Variants in KLHL23 observed in about 807,000 individuals in gnomAD.
KLHL23 encodes kelch-like protein 23.
In KLHL23, 33 loss-of-function variants were observed where a neutral mutation model predicts 48.9. The observed-to-expected ratio is 0.67, with a 90% CI of 0.51 to 0.90. KLHL23 has a LOEUF of 0.90. Among genes scored for constraint, KLHL23 ranks in the 40% least tolerant of loss-of-function variants. The probability of loss-of-function intolerance (pLI) is 0.00; values close to 1 mark genes in which losing one functional copy is unlikely to be tolerated. For missense variants in KLHL23, 608 were observed against 669.6 expected, an observed-to-expected ratio of 0.91 and a Z score of 1.02; for synonymous variants, 234 against 231.6, an observed-to-expected ratio of 1.01 and a Z score of -0.09.
chr2:169,749,913 T>TTATATATATATATATA lies in KLHL23; in HGVS notation c.*184_*199dup, dbSNP rs72113382. Reference sequence around the variant, plus strand: ...TGGTGATTCATGGTCAAGAAAAATCTTATATATATATATATATACACACAC... The same window carrying TTATATATATATATATA: ...TGGTGATTCATGGTCAAGAAAAATCTTATATATATATATATATATATATATATATATATACACACAC... On this transcript the variant is annotated 3_prime_UTR_variant, in exon 4 of 4. Coordinates refer to ENST00000392647, the MANE Select transcript of KLHL23 (RefSeq NM_144711.6). The TTATATATATATATATA allele has an allele frequency of 1.6e-3, 355 of 218,780 alleles. No homozygotes were observed. Among genetic ancestry groups the TTATATATATATATATA allele is most frequent in the African/African-American group, 8.8e-3 (201 of 22,786 alleles). The allele number at this position is 218,780 out of a possible 1,614,324, so 13.6% of individuals were successfully genotyped here.
At chr2:169,743,412 A>G (rs943638840) in intron 3 of KLHL23, among the ~76,000 whole-genome samples, 5 of 152,232 alleles carry the variant, frequency 3.3e-5, no homozygotes, top group African/African-American at 7.2e-5. Flanking sequence ...ATATAAATCA[A>G]TGGTAACATA....
intron 2 of KLHL23, among the ~76,000 whole-genome samples, chr2:169,739,694 A>T (rs185519882): frequency 6.6e-6 from 1 of 152,042 alleles, no homozygotes; most frequent in Non-Finnish European, 1.5e-5. Flanking sequence ...CTTCCATTTT[A>T]TATCTAGTGT....
Position 169,735,549 on chromosome 2 carries a change from A to G in KLHL23, c.535A>G (p.Ser179Gly), listed in dbSNP as rs781456672. ...VWQQEEFLEI[S>G]LEKFLFILSR... ...GCAACAAGAAGAATTTCTGGAAATC[A>G]GCCTTGAAAAGTTTCTCTTTATCTT... Residue 179 changes from serine (S) to glycine (G), a missense_variant, in exon 2 of 4, where the codon AGC becomes GGC. Ser to Gly is a moderately conservative substitution (Grantham distance 56). Transcript: ENST00000392647. This position sits in a 1 kb window ranked among gnomAD's most constrained non-coding sequence, Gnocchi z 4.5. 4.3e-6 allele frequency: 7 copies of G among 1,613,672 alleles called. No homozygotes were observed. Among genetic ancestry groups the G allele is most frequent in the Non-Finnish European group, 5.9e-6 (7 of 1,179,976 alleles).
intron 3 of KLHL23, among the ~76,000 whole-genome samples, chr2:169,742,419 A>G (rs1688697744): frequency 6.6e-6 from 1 of 152,234 alleles, no homozygotes; most frequent in Admixed American, 6.5e-5. Context: ...ACCATTTTAC[A>G]TATTTGGAAA....
At chr2:169,742,789 C>G (rs1688706524) in intron 3 of KLHL23, among the ~76,000 whole-genome samples, 1 of 152,198 alleles carries the variant, frequency 6.6e-6, no homozygotes. Context: ...CCATCCCAGA[C>G]TCCCCACCAC....
chr2:169,739,263 G>A (rs77479421), intron 2 of KLHL23, among the ~76,000 whole-genome samples: 4,891 of 151,548 alleles, frequency 0.032, 103 homozygotes, highest in East Asian at 0.1. Context: ...CCTCGAGACC[G>A]CCCACCCTGG....
rs1558952641 is a variant in KLHL23, at chr2:169,750,096, G to GTATATATACGTATGTA, written c.*365_*366insATATATACGTATGTAT. On this transcript the variant is annotated 3_prime_UTR_variant, in exon 4 of 4. Coordinates refer to ENST00000392647, the MANE Select transcript of KLHL23 (RefSeq NM_144711.6). ...TATACGTATGTATGTATACATATAT[G>GTATATATACGTATGTA]TGTATACATATATATGTGTGTATAT... is the stretch of plus-strand genomic sequence containing the variant. 2 of 103,718 alleles carry GTATATATACGTATGTA rather than the reference G, an allele frequency of 1.9e-5. No homozygotes were observed. The highest frequency in any genetic ancestry group is 3.4e-5 in the African/African-American group (1 of 29,012). The allele number at this position is 103,718 out of a possible 1,614,324, so 6.4% of individuals were successfully genotyped here.
intron 2 of KLHL23, among the ~76,000 whole-genome samples, chr2:169,738,161 C>T (rs1047000426): frequency 6.6e-6 from 1 of 152,330 alleles, no homozygotes; most frequent in Non-Finnish European, 1.5e-5. Flanking sequence ...TATATCTAGT[C>T]ATCCCAGGGA....
At chr2:169,749,332 T>G in intron 3 of KLHL23, 90 bp from the exon 4 acceptor site, 1 of 1,354,158 alleles carries the variant, frequency 7.4e-7, no homozygotes, top group Non-Finnish European at 9.8e-7. Context: ...TGTGCTAAAT[T>G]TTAAAGGATT....
At chr2:169,748,105 C>T (rs1012400753) in intron 3 of KLHL23, among the ~76,000 whole-genome samples, 2 of 152,156 alleles carry the variant, frequency 1.3e-5, no homozygotes, top group African/African-American at 4.8e-5. Context: ...ACCTGGGTGA[C>T]AGAGCAAGAC....
intron 3 of KLHL23, among the ~76,000 whole-genome samples, chr2:169,743,325 CAG>C (rs1688719794): frequency 6.6e-6 from 1 of 152,250 alleles, no homozygotes; most frequent in African/African-American, 2.4e-5. Context: ...GTCTGAGAGA[CAG>C]TGTCACTTTG....
chr2:169,750,950 A>G lies in KLHL23; in HGVS notation c.*1218A>G, dbSNP rs1446071180. 1 of 152,252 alleles carries G rather than the reference A, an allele frequency of 6.6e-6. No homozygotes were observed. The highest frequency in any genetic ancestry group is 2.4e-5 in the African/African-American group (1 of 41,470). The allele number at this position is 152,252 out of a possible 1,614,324, so 9.4% of individuals were successfully genotyped here. ...GTGATTAGTAGAAAATACACTGACA[A>G]GAAGATATTTGCATTTATTTCCCAA... On this transcript the variant is annotated 3_prime_UTR_variant, in exon 4 of 4. Transcript: ENST00000392647.
intron 3 of KLHL23, among the ~76,000 whole-genome samples, chr2:169,744,927 T>C (rs1688760160): frequency 6.9e-6 from 1 of 144,186 alleles, no homozygotes. Flanking sequence ...TGATCAGCTC[T>C]AGGTTTTTGT....
At position 169,744,476 on chromosome 2, in the gene KLHL23, G is replaced by C. The variant is rs532944275; in HGVS notation, c.1366+2939G>C. 7.2e-5 allele frequency among the ~76,000 whole-genome samples: 11 copies of C among 152,266 alleles called. No individual in the cohort carries two copies. In the South Asian group the frequency reaches 1.5e-3, roughly 20 times the overall value. On this transcript the variant is annotated intron_variant, in intron 3 of 3. Coordinates refer to ENST00000392647, the MANE Select transcript of KLHL23 (RefSeq NM_144711.6). ...ACCTGGGAGCAGACATGAATGAATG[G>C]AATGTAAGAGGGTAGAATGGGAGAT...
chr2:169,738,239 CT>C (rs1490938558), intron 2 of KLHL23, among the ~76,000 whole-genome samples: 5 of 151,984 alleles, frequency 3.3e-5, no homozygotes, highest in South Asian at 2.1e-4. Flanking sequence ...TCATACAGAA[CT>C]TTTTTTAAAC....
At chr2:169,740,055 G>A (rs1023428558) in intron 2 of KLHL23, among the ~76,000 whole-genome samples, 1 of 152,184 alleles carries the variant, frequency 6.6e-6, no homozygotes, top group Admixed American at 6.5e-5. Flanking sequence ...TTCTGGTTGA[G>A]TCGGTGAGTA....
intron 3 of KLHL23, among the ~76,000 whole-genome samples, chr2:169,747,344 G>A (rs998481459): frequency 7.9e-6 from 1 of 126,450 alleles, no homozygotes; most frequent in African/African-American, 2.9e-5. Context: ...AGCCGAGATT[G>A]CGCCACTGCA....
Position 169,735,613 on chromosome 2 carries a change from TC to T in KLHL23, c.600del (p.Ile201Ter). On this transcript the variant is annotated frameshift_variant, in exon 2 of 4. Coordinates refer to ENST00000392647, the MANE Select transcript of KLHL23 (RefSeq NM_144711.6). LOFTEE classifies it high-confidence loss of function. The surrounding 1 kb of genome is among the most constrained non-coding windows in gnomAD (Gnocchi z 4.5). Reference protein sequence around the residue: ...KNLSVWKEEAIIEPVIKWTAH... With the variant: ...KNLSVWKEEAXIEPVIKWTAH... Reference sequence around the variant, plus strand: ...CTCAGTGTTTGGAAAGAAGAAGCTATCATAGAGCCAGTTATTAAGTGGACTG... The same window carrying T: ...CTCAGTGTTTGGAAAGAAGAAGCTATATAGAGCCAGTTATTAAGTGGACTG... 1 of 1,614,002 alleles carries T rather than the reference TC, an allele frequency of 6.2e-7. No homozygotes were observed. The highest frequency in any genetic ancestry group is 1.1e-5 in the South Asian group (1 of 91,076).
At chr2:169,734,533 A>G (rs969208084) in intron 1 of KLHL23, among the ~76,000 whole-genome samples, 1 of 152,110 alleles carries the variant, frequency 6.6e-6, no homozygotes, top group Non-Finnish European at 1.5e-5. Context: ...AGGGCTCGGG[A>G]TTTCCCTTTT....
Sources: gnomAD v4.1 joint callset for allele counts (sites outside exome capture counted in the v4.1 genomes callset) on GRCh38, gnomAD v4.1.1 for gene constraint, Gnocchi (gnomAD v3.1) non-coding constraint, MANE v1.5 for transcripts, NCBI Gene and HGNC (gene_info 2026-07-23, HGNC 2026-07-21) for gene names.